NAV2: variants seen among roughly 807,000 people sequenced by gnomAD.
The protein encoded by NAV2 is neuron navigator 2.
NAV2 carries 54 observed loss-of-function variants against 223.2 expected under a neutral mutation model. The observed-to-expected ratio is 0.24, with a 90% CI of 0.19 to 0.30. The LOEUF (loss-of-function observed/expected upper bound fraction) is 0.30, where lower values mean the gene tolerates loss of function less well. Among genes scored for constraint, NAV2 ranks in the 10% least tolerant of loss-of-function variants. The pLI is 1.00. For missense variants in NAV2, 2,806 were observed against 3,147.5 expected (o/e 0.89, Z 2.60); for synonymous variants, 1,279 against 1,239.3 (o/e 1.03, Z -0.67).
intron 1 of NAV2, among the ~76,000 whole-genome samples, chr11:19,581,507 T>C (rs1215807094): frequency 2.6e-5 from 4 of 152,190 alleles, no homozygotes; most frequent in Admixed American, 2.6e-4. Flanking sequence ...TCTAATGCTA[T>C]CCCTCCCCTC....
Position 20,054,221 on chromosome 11 carries a change from A to T in NAV2, c.4623A>T (p.Arg1541Ser). 6.2e-7 allele frequency: 1 copy of T among 1,610,752 alleles called. No individual in the cohort carries two copies. The highest frequency in any genetic ancestry group is 1.7e-4 in the Middle Eastern group (1 of 6,048). Residue 1541 changes from arginine to serine, a missense_variant, in exon 18 of 38, where the codon AGA becomes AGT. Coordinates refer to ENST00000349880, the MANE Select transcript of NAV2 (RefSeq NM_145117.5). Reference protein sequence around the residue: ...GSSVTSPSGTRFNFSQLASPT... With the variant: ...GSSVTSPSGTSFNFSQLASPT... ...GCGTGACTTCTCCCTCCGGAACAAG[A>T]TTCAACTTTTCCCAGCTTGGTGAGT... is the stretch of plus-strand genomic sequence containing the variant.
At chr11:19,938,118 T>C (rs2046073333) in intron 7 of NAV2, among the ~76,000 whole-genome samples, 1 of 152,046 alleles carries the variant, frequency 6.6e-6, no homozygotes, top group Non-Finnish European at 1.5e-5. Context: ...GAGTTGTATG[T>C]AAAGAGTTGG....
rs191185228 is a variant in NAV2, at chr11:20,032,511, C to T, written c.2769-3448C>T. Reference sequence around the variant, plus strand: ...TTACAACTGCTCTCTTTCCTCCCTGCCAGCCACGGTCCTCTCCCACCATTC... The same window carrying T: ...TTACAACTGCTCTCTTTCCTCCCTGTCAGCCACGGTCCTCTCCCACCATTC... On this transcript the variant is annotated intron_variant, in intron 11 of 37. Coordinates refer to ENST00000349880, the MANE Select transcript of NAV2 (RefSeq NM_145117.5). 4.6e-5 allele frequency among the ~76,000 whole-genome samples: 7 copies of T among 152,338 alleles called. No individual in the cohort carries two copies. In the East Asian group the frequency reaches 1.2e-3, roughly 25 times the overall value.
intron 22 of NAV2, among the ~76,000 whole-genome samples, chr11:20,072,544 A>G (rs866342979): frequency 9.2e-5 from 14 of 152,180 alleles, no homozygotes; most frequent in Non-Finnish European, 2.1e-4. Flanking sequence ...CATTTTCATG[A>G]TATTGATTCT....
At chr11:19,672,680 G>A (rs2048603917) in intron 1 of NAV2, among the ~76,000 whole-genome samples, 5 of 152,072 alleles carry the variant, frequency 3.3e-5, no homozygotes, top group Non-Finnish European at 1.5e-5. Flanking sequence ...GCAGAGAGAG[G>A]ACATGGGGAA....
intron 11 of NAV2, among the ~76,000 whole-genome samples, chr11:20,015,583 G>A (rs914805405): frequency 2.6e-5 from 4 of 152,030 alleles, no homozygotes; most frequent in Non-Finnish European, 4.4e-5. Flanking sequence ...GCGGTTAAAT[G>A]TATTTGTTTT....
At chr11:19,725,248 AGT>A (rs1257715594) in intron 1 of NAV2, among the ~76,000 whole-genome samples, 1 of 152,310 alleles carries the variant, frequency 6.6e-6, no homozygotes, top group African/African-American at 2.4e-5. Context: ...ACACCCAGTG[AGT>A]GGAGGCGCCA....
intron 10 of NAV2, among the ~76,000 whole-genome samples, chr11:19,967,119 A>T (rs2048832320): frequency 6.6e-6 from 1 of 152,284 alleles, no homozygotes; most frequent in East Asian, 1.9e-4. Context: ...ACTGAGGATG[A>T]CAGAAGTCCC....
intron 10 of NAV2, among the ~76,000 whole-genome samples, chr11:19,982,198 A>G (rs1318708691): frequency 6.6e-6 from 1 of 152,160 alleles, no homozygotes; most frequent in Non-Finnish European, 1.5e-5. Flanking sequence ...TAATTCATAT[A>G]TCATGAAATT....
At position 19,925,352 on chromosome 11, in the gene NAV2, A is replaced by G. The variant is rs80296317; in HGVS notation, c.932-7824A>G. ...ATCCAAGAAATTATTGACAAATCCA[A>G]AGTCATGAGGTTTTGCCCTATGTTT... On this transcript the variant is annotated intron_variant, in intron 6 of 37. Coordinates refer to ENST00000349880, the MANE Select transcript of NAV2 (RefSeq NM_145117.5). Among the ~76,000 whole-genome samples, 1,012 of 152,308 alleles carry G rather than the reference A, an allele frequency of 6.6e-3. 12 individuals carry two copies. Among genetic ancestry groups the G allele is most frequent in the African/African-American group, 0.022 (921 of 41,554 alleles).
intron 1 of NAV2, among the ~76,000 whole-genome samples, chr11:19,574,638 C>T (rs1479464562): frequency 2.6e-5 from 4 of 152,158 alleles, no homozygotes; most frequent in Non-Finnish European, 1.5e-5. Context: ...TTTTGTTGAT[C>T]ACCTATTAAG....
chr11:19,819,883 TA>T (rs1590720113), intron 1 of NAV2, among the ~76,000 whole-genome samples: 1 of 152,254 alleles, frequency 6.6e-6, no homozygotes, highest in East Asian at 1.9e-4. Flanking sequence ...TCTGCGGATC[TA>T]ATCTCTCATT....
At chr11:19,488,096 G>A (rs1427517297) in intron 1 of NAV2, among the ~76,000 whole-genome samples, 3 of 152,156 alleles carry the variant, frequency 2.0e-5, no homozygotes, top group African/African-American at 7.2e-5. Context: ...ATCACATGCT[G>A]TCACTAAGTG....
intron 10 of NAV2, among the ~76,000 whole-genome samples, chr11:19,970,200 G>A (rs1289635990): frequency 2.0e-5 from 3 of 152,120 alleles, no homozygotes; most frequent in Non-Finnish European, 4.4e-5. Flanking sequence ...ACAGAGTCTT[G>A]CTCTGTTGCC....
intron 1 of NAV2, among the ~76,000 whole-genome samples, chr11:19,823,498 G>A (rs2059488608): frequency 6.6e-6 from 1 of 152,042 alleles, no homozygotes; most frequent in Non-Finnish European, 1.5e-5. Context: ...GTGAGCCACC[G>A]TGCCCAGCCT....
At chr11:19,810,407 A>G (rs1283825555) in intron 1 of NAV2, among the ~76,000 whole-genome samples, 1 of 152,136 alleles carries the variant, frequency 6.6e-6, no homozygotes, top group Non-Finnish European at 1.5e-5. Flanking sequence ...GGAGAATGCT[A>G]TTGAAACCAA....
intron 1 of NAV2, among the ~76,000 whole-genome samples, chr11:19,684,005 C>G (rs1191901916): frequency 6.6e-6 from 1 of 152,096 alleles, no homozygotes; most frequent in East Asian, 1.9e-4. Context: ...AATTTCCTTA[C>G]TAAGATAATT....
At chr11:19,613,616 T>C (rs1440559547) in intron 1 of NAV2, among the ~76,000 whole-genome samples, 1 of 152,210 alleles carries the variant, frequency 6.6e-6, no homozygotes, top group Non-Finnish European at 1.5e-5. Flanking sequence ...GCCAATCCTC[T>C]CCAGGACTTG....
chr11:20,042,099 A>AGCATGCTGTCT (rs1418888868), intron 12 of NAV2, among the ~76,000 whole-genome samples: 1 of 152,178 alleles, frequency 6.6e-6, no homozygotes, highest in Non-Finnish European at 1.5e-5. Context: ...GCAGACAGCA[A>AGCATGCTGTCT]GCATGGAGTA....
Sources: allele counts gnomAD v4.1 joint callset (sites outside exome capture counted in the v4.1 genomes callset), GRCh38; gene constraint gnomAD v4.1.1; transcripts MANE v1.5; gene names NCBI Gene and HGNC (gene_info 2026-07-23, HGNC 2026-07-21).